Variants in MYRIP observed in about 807,000 individuals in gnomAD.
MYRIP encodes rab effector MyRIP.
In MYRIP, 49 loss-of-function variants were observed where a neutral mutation model predicts 98.0. That is an observed-to-expected ratio of 0.50 (90% CI 0.40 to 0.63). The LOEUF is 0.63. MYRIP is among the 30% of genes least tolerant of loss of function. MYRIP has a pLI of 0.00. For missense variants in MYRIP, 1,004 were observed against 1,058.2 expected, an observed-to-expected ratio of 0.95 and a Z score of 0.71; for synonymous variants, 404 against 409.5, an observed-to-expected ratio of 0.99 and a Z score of 0.16.
intron 3 of MYRIP, among the ~76,000 whole-genome samples, chr3:40,075,596 A>G (rs986884229): frequency 2.1e-4 from 32 of 152,224 alleles, no homozygotes; most frequent in African/African-American, 6.5e-4. Context: ...GGCTATTGTT[A>G]GATTTAAATA....
Position 40,112,820 on chromosome 3 carries a change from A to G in MYRIP, c.333-38228A>G, listed in dbSNP as rs1000103866. 4.6e-5 allele frequency among the ~76,000 whole-genome samples: 7 copies of G among 152,336 alleles called. No individual in the cohort carries two copies. In the East Asian group the frequency reaches 1.3e-3, roughly 29 times the overall value. On this transcript the variant is annotated intron_variant, in intron 3 of 16. Transcript: ENST00000302541. ...TTTCTGTTTCTAAGCAGGTGGCCTC[A>G]TGATCCACAGGCTACTTTCATGACT...
intron 3 of MYRIP, among the ~76,000 whole-genome samples, chr3:40,071,454 T>C (rs1222428457): frequency 6.6e-6 from 1 of 152,110 alleles, no homozygotes; most frequent in Non-Finnish European, 1.5e-5. Context: ...GGGACAGTTG[T>C]GGGGTCAAGG....
At chr3:40,246,807 G>A (rs1318997736) in intron 13 of MYRIP, among the ~76,000 whole-genome samples, 2 of 152,086 alleles carry the variant, frequency 1.3e-5, no homozygotes, top group Non-Finnish European at 2.9e-5. Flanking sequence ...ACTTTATTGA[G>A]TCAAAAATAC....
chr3:40,028,017 C>T (rs116548674), intron 2 of MYRIP, among the ~76,000 whole-genome samples: 2,800 of 152,158 alleles, frequency 0.018, 75 homozygotes, highest in African/African-American at 0.063. Flanking sequence ...TCAAAATTAC[C>T]CTCTCTTTGG....
In MYRIP at chr3:39,900,877, G is replaced by A. The variant is rs770748646; in HGVS notation, c.61G>A (p.Val21Met). ...TDDETEHVLQ[V>M]VQRDFNLRKK... Reference sequence around the variant, plus strand: ...TGATGAAACAGAGCATGTTCTTCAGGTGGTTCAAAGAGACTTCAATCTTCG... The same window carrying A: ...TGATGAAACAGAGCATGTTCTTCAGATGGTTCAAAGAGACTTCAATCTTCG... The change falls in exon 2 of 17, where the codon GTG (valine) becomes ATG (methionine). Residue 21 changes from valine to methionine, a missense_variant. Val to Met is a conservative substitution (Grantham distance 21). Transcript: ENST00000302541. 2 of 1,613,832 alleles carry A rather than the reference G, an allele frequency of 1.2e-6. No individual in the cohort carries two copies. Among genetic ancestry groups the A allele is most frequent in the Middle Eastern group, 1.6e-4 (1 of 6,062 alleles).
intron 3 of MYRIP, among the ~76,000 whole-genome samples, chr3:40,049,029 G>T (rs1179725195): frequency 6.6e-6 from 1 of 152,122 alleles, no homozygotes; most frequent in Non-Finnish European, 1.5e-5. Flanking sequence ...ACTTTTCAGA[G>T]TGAGCCCAGA....
At position 39,927,858 on chromosome 3, in the gene MYRIP, G is replaced by T. The variant is rs77015094; in HGVS notation, c.110+26932G>T. The stretch of plus-strand genomic sequence containing the variant: ...TACCACAATCAGGTAGGCTTTATTT[G>T]TGGAATGCACGGTTGATTCAACATA... On this transcript the variant is annotated intron_variant, in intron 2 of 16. Transcript: ENST00000302541. 6.0e-3 allele frequency among the ~76,000 whole-genome samples: 910 copies of T among 152,100 alleles called. 9 individuals carry two copies. Among genetic ancestry groups the T allele is most frequent in the African/African-American group, 0.021 (855 of 41,536 alleles).
intron 2 of MYRIP, among the ~76,000 whole-genome samples, chr3:39,974,512 A>G (rs1469542916): frequency 1.3e-5 from 2 of 152,196 alleles, no homozygotes; most frequent in African/African-American, 4.8e-5. Context: ...AACTATTCCA[A>G]TCAATAGAAA....
chr3:40,165,028 G>C (rs1416154025), intron 5 of MYRIP, among the ~76,000 whole-genome samples: 1 of 152,170 alleles, frequency 6.6e-6, no homozygotes, highest in Non-Finnish European at 1.5e-5. Flanking sequence ...ACATTTGTTT[G>C]ATTCAACAAA....
intron 1 of MYRIP, among the ~76,000 whole-genome samples, chr3:39,883,687 A>C (rs945247279): frequency 1.3e-5 from 2 of 152,038 alleles, no homozygotes; most frequent in African/African-American, 2.4e-5. Flanking sequence ...TGCAAAAAAA[A>C]CTTAAATATG....
chr3:39,835,291 T>G (rs1407665329), intron 1 of MYRIP, among the ~76,000 whole-genome samples: 2 of 152,124 alleles, frequency 1.3e-5, no homozygotes, highest in Admixed American at 6.5e-5. Context: ...TGTTTATTAT[T>G]TTTCTTAAGG....
intron 11 of MYRIP, among the ~76,000 whole-genome samples, chr3:40,222,259 AG>A (rs1266815066): frequency 2.0e-5 from 3 of 152,176 alleles, no homozygotes; most frequent in Non-Finnish European, 4.4e-5. Context: ...GTTAAGGGGC[AG>A]TTTATGAAGA....
intron 2 of MYRIP, among the ~76,000 whole-genome samples, chr3:39,909,835 A>G (rs1244089261): frequency 6.6e-6 from 1 of 152,200 alleles, no homozygotes; most frequent in Non-Finnish European, 1.5e-5. Flanking sequence ...GTGGGGTTCC[A>G]GGAATATCAT....
At chr3:40,077,865 G>T (rs1948383537) in intron 3 of MYRIP, among the ~76,000 whole-genome samples, 1 of 151,942 alleles carries the variant, frequency 6.6e-6, no homozygotes, top group Non-Finnish European at 1.5e-5. Context: ...TCCCGCACCG[G>T]GGCTGCAGGT....
At position 40,190,145 on chromosome 3, in the gene MYRIP, G is replaced by A. The variant is rs1280727660; in HGVS notation, c.1347G>A (p.Glu449=). 1 of 1,614,086 alleles carries A rather than the reference G, an allele frequency of 6.2e-7. No individual in the cohort carries two copies. The highest frequency in any genetic ancestry group is 8.5e-7 in the Non-Finnish European group (1 of 1,180,004). The change falls in exon 10 of 17, where the codon GAG becomes GAA. Residue 449 remains glutamate (E), a synonymous_variant. Coordinates refer to ENST00000302541, the MANE Select transcript of MYRIP (RefSeq NM_015460.4). ...SPSSALSPNP[E]AMCSDSETSS... ...CCTCTGCACTCTCCCCCAACCCTGA[G>A]GCCATGTGCTCTGACTCGGAGACCT...
chr3:40,095,192 T>A (rs1948802883), intron 3 of MYRIP, among the ~76,000 whole-genome samples: 2 of 152,172 alleles, frequency 1.3e-5, no homozygotes, highest in African/African-American at 4.8e-5. Context: ...AGCTTTCCAC[T>A]ACAATCTCCT....
At chr3:39,851,576 C>T (rs1240541160) in intron 1 of MYRIP, among the ~76,000 whole-genome samples, 1 of 152,196 alleles carries the variant, frequency 6.6e-6, no homozygotes, top group Non-Finnish European at 1.5e-5. Flanking sequence ...GTTCTTCCAC[C>T]TTCACCATGT....
intron 8 of MYRIP, 45 bp downstream of exon 8, chr3:40,170,138 C>G (rs1383667104): frequency 4.4e-6 from 7 of 1,604,460 alleles, no homozygotes; most frequent in Non-Finnish European, 5.1e-6. Flanking sequence ...ACGTGCAGGT[C>G]TGGGGCACAC....
Position 39,932,542 on chromosome 3 carries a change from T to G in MYRIP, c.110+31616T>G, listed in dbSNP as rs182494327. Among the ~76,000 whole-genome samples the G allele has an allele frequency of 1.2e-3, 180 of 152,156 alleles. 2 individuals are homozygous for G. The highest frequency in any genetic ancestry group is 0.011 in the Admixed American group (175 of 15,266). Reference sequence around the variant, plus strand: ...TGCCCAGCTAAATTTTTCGGTTTTTTGGGGGTTTTTTTTGGTTTTTGTTTA... The same window carrying G: ...TGCCCAGCTAAATTTTTCGGTTTTTGGGGGGTTTTTTTTGGTTTTTGTTTA... On this transcript the variant is annotated intron_variant, in intron 2 of 16. Coordinates refer to ENST00000302541, the MANE Select transcript of MYRIP (RefSeq NM_015460.4).
Sources: allele counts gnomAD v4.1 joint callset (sites outside exome capture counted in the v4.1 genomes callset), GRCh38; gene constraint gnomAD v4.1.1; transcripts MANE v1.5; gene names NCBI Gene and HGNC (gene_info 2026-07-23, HGNC 2026-07-21).